PANK4: variants seen among roughly 807,000 people sequenced by gnomAD.
PANK4 encodes the protein pantothenate kinase 4 (inactive), also known as 4'-phosphopantetheine phosphatase.
Under a neutral mutation model 87.9 loss-of-function variants are expected in PANK4, and 40 were observed. That is an observed-to-expected ratio of 0.46 (90% CI 0.35 to 0.59). The LOEUF (loss-of-function observed/expected upper bound fraction) is 0.59, where lower values mean the gene tolerates loss of function less well. Among genes scored for constraint, PANK4 ranks in the 20% least tolerant of loss-of-function variants. PANK4 has a pLI of 0.00. For synonymous variants in PANK4, 524 were observed against 467.4 expected, an observed-to-expected ratio of 1.12 and a Z score of -1.56; for missense variants, 926 against 1,072.3, an observed-to-expected ratio of 0.86 and a Z score of 1.90.
At position 2,510,967 on chromosome 1, in the gene PANK4, G is replaced by A. The variant is rs548884514; in HGVS notation, c.1834-185C>T. ...GGGGCTTCAGGGCCCCAGAGGTGCC[G>A]GGACTGGGCTGGGCTGCAGGGGCTG... On this transcript the variant is annotated intron_variant, in intron 15 of 18. Transcript: ENST00000378466. The surrounding 1 kb of genome is among the most constrained non-coding windows in gnomAD (Gnocchi z 4.9). 3.3e-5 allele frequency among the ~76,000 whole-genome samples: 5 copies of A among 151,924 alleles called. No individual in the cohort carries two copies. Among genetic ancestry groups the A allele is most frequent in the Non-Finnish European group, 7.4e-5 (5 of 67,946 alleles).
rs1426525603 is a variant in PANK4 at position 2,510,057 on chromosome 1, T to C, written c.2039A>G (p.His680Arg). Residue 680 changes from histidine (H) to arginine (R), a missense_variant and splice_region_variant, in exon 17 of 19, where the codon CAC becomes CGC. Coordinates refer to ENST00000378466, the MANE Select transcript of PANK4 (RefSeq NM_018216.4). The surrounding 1 kb of genome is among the most constrained non-coding windows in gnomAD (Gnocchi z 4.9). ...CCCAGCACTGCCCGCCAACACTCACTGCACGACAGGGTCCATGCCCGCAAT... is the reference window on the plus strand; with the variant it reads ...CCCAGCACTGCCCGCCAACACTCACCGCACGACAGGGTCCATGCCCGCAAT... Reference protein sequence around the residue: ...ERIAGMDPVVHSALQEERLLL... With the variant: ...ERIAGMDPVVRSALQEERLLL... 1 of 1,606,980 alleles carries C rather than the reference T, an allele frequency of 6.2e-7. No homozygotes were observed. Among genetic ancestry groups the C allele is most frequent in the East Asian group, 2.2e-5 (1 of 44,582 alleles).
intron 14 of PANK4, 99 bp from the exon 15 acceptor site, chr1:2,511,486 C>T: frequency 2.6e-6 from 3 of 1,137,572 alleles, no homozygotes; most frequent in Non-Finnish European, 4.0e-6. Context: ...AGCAAGTTCT[C>T]CCCGCCCCCG....
intron 9 of PANK4, among the ~76,000 whole-genome samples, chr1:2,517,846 T>G (rs1229611570): frequency 6.6e-6 from 1 of 152,234 alleles, no homozygotes; most frequent in Admixed American, 6.5e-5. Flanking sequence ...GGACGGGCCT[T>G]CTGGCGTGGG....
intron 11 of PANK4, 44 bp downstream of exon 11, chr1:2,514,310 C>G (rs1173953704): frequency 1.4e-6 from 2 of 1,447,276 alleles, no homozygotes; most frequent in South Asian, 2.3e-5. Flanking sequence ...CAGGGGCCCT[C>G]TGGATGGAAG....
At chr1:2,512,340 A>G (rs1643675462) in intron 13 of PANK4, 1 of 153,722 alleles carries the variant, frequency 6.5e-6, no homozygotes, top group African/African-American at 2.4e-5. Context: ...ACATGAAAAA[A>G]AGCAGGGACC....
intron 1 of PANK4, 52 bp downstream of exon 1, chr1:2,526,412 C>T: frequency 2.0e-6 from 2 of 1,019,932 alleles, no homozygotes; most frequent in South Asian, 8.3e-5. Context: ...GGCCCACCGC[C>T]GGCGCCCCGC....
intron 12 of PANK4, among the ~76,000 whole-genome samples, chr1:2,513,375 CGT>C (rs766635793): frequency 3.2e-4 from 48 of 152,354 alleles, no homozygotes; most frequent in Non-Finnish European, 5.1e-4. Flanking sequence ...CAAGGCTCGG[CGT>C]GTGAGGGGAG....
chr1:2,522,078 A>C (rs1643880012), intron 1 of PANK4: 1 of 511,500 alleles, frequency 2.0e-6, no homozygotes, highest in Non-Finnish European at 3.5e-6. Flanking sequence ...AGTCCTGCAG[A>C]GGAAAGGGAG....
At chr1:2,511,846 G>C (rs906399349) in intron 13 of PANK4, among the ~76,000 whole-genome samples, 163 bp from the exon 14 acceptor site, 2 of 151,716 alleles carry the variant, frequency 1.3e-5, no homozygotes, top group African/African-American at 4.9e-5. Context: ...GCTGCTCAAC[G>C]TGAAGACCCC....
At position 2,516,000 on chromosome 1, in the gene PANK4, C is replaced by T; in HGVS notation, c.1219-283G>A. Reference sequence around the variant, plus strand: ...CGCTGCAGCCACACCTCCCCAATCACCGCTGCAGTCACCCTCCCATCACCC... The same window carrying T: ...CGCTGCAGCCACACCTCCCCAATCATCGCTGCAGTCACCCTCCCATCACCC... On this transcript the variant is annotated intron_variant, in intron 9 of 18. Coordinates refer to ENST00000378466, the MANE Select transcript of PANK4 (RefSeq NM_018216.4). This position sits in a 1 kb window ranked among gnomAD's most constrained non-coding sequence, Gnocchi z 5.0. The T allele has an allele frequency of 1.9e-6, 1 of 523,550 alleles. No homozygotes were observed. Among genetic ancestry groups the T allele is most frequent in the Non-Finnish European group, 3.4e-6 (1 of 290,070 alleles). 32.4% of individuals were successfully genotyped at this position (523,550 alleles called of 1,614,324 possible).
chr1:2,521,688 C>T (rs1643876796), intron 2 of PANK4, 30 bp downstream of exon 2: 1 of 1,576,356 alleles, frequency 6.3e-7, no homozygotes, highest in Non-Finnish European at 8.7e-7. Context: ...AGCGGCTGCC[C>T]TGCCCCGGGT....
intron 1 of PANK4, among the ~76,000 whole-genome samples, chr1:2,523,701 A>G (rs1370789376): frequency 3.9e-5 from 6 of 152,074 alleles, no homozygotes. Context: ...ACCCGGGGGG[A>G]CAAAACGGGA....
In PANK4 at chr1:2,518,547, G is replaced by A. The variant is rs752175375; in HGVS notation, c.1086C>T (p.Ile362=). ...FLRHEGYLGA[I]GAFLKGAEQD... ...GCTCAGCTCCTTTCAGGAACGCTCC[G>A]ATGGCTCCCAGGTAGCCTTCGTGCC... The change falls in exon 8 of 19, where the codon ATC becomes ATT. Residue 362 remains isoleucine, a synonymous_variant. Transcript: ENST00000378466. 78 of 1,573,550 alleles carry A rather than the reference G, an allele frequency of 5.0e-5. No individual in the cohort carries two copies. Among genetic ancestry groups the A allele is most frequent in the Non-Finnish European group, 5.5e-5 (64 of 1,159,422 alleles).
rs1319868887 is a variant in PANK4, at chr1:2,510,842, C to T, written c.1834-60G>A. On this transcript the variant is annotated intron_variant, in intron 15 of 18. Transcript: ENST00000378466. The surrounding 1 kb of genome is among the most constrained non-coding windows in gnomAD (Gnocchi z 4.9). Reference sequence around the variant, plus strand: ...AGGCGCATCCAAGCGAGTCAGTCCGCACCCCTGCTGCCCGTCACGCTGCCC... The same window carrying T: ...AGGCGCATCCAAGCGAGTCAGTCCGTACCCCTGCTGCCCGTCACGCTGCCC... The T allele has an allele frequency of 1.0e-6, 1 of 982,560 alleles. No individual in the cohort carries two copies. The highest frequency in any genetic ancestry group is 1.6e-5 in the African/African-American group (1 of 62,766). The allele number at this position is 982,560 out of a possible 1,614,324, so 60.9% of individuals were successfully genotyped here.
In PANK4 at chr1:2,526,570, C is replaced by G. The variant is rs576655896; in HGVS notation, c.18G>C (p.Ala6=). Residue 6 remains alanine (A), a synonymous_variant, in exon 1 of 19, where the codon GCG becomes GCC. Coordinates refer to ENST00000378466, the MANE Select transcript of PANK4 (RefSeq NM_018216.4). MAECG[A]SGSGSSGDSL... ...TGTCCCCGCTGCTCCCGCTGCCGCT[C>G]GCTCCACACTCCGCCATTTTGAAAG... 1.1e-4 allele frequency: 182 copies of G among 1,601,536 alleles called. 1 individual carries two copies. The East Asian group carries it at 4.1e-3, about 36-fold the overall frequency.
chr1:2,515,306 T>C lies in PANK4; in HGVS notation c.1374+256A>G, dbSNP rs1245289614. ...TAAATTGCTTTTTGAAGGAATGTGC[T>C]AGCTAGCAGAACTATCAGCTGCCCT... is the stretch of plus-strand genomic sequence containing the variant. On this transcript the variant is annotated intron_variant, in intron 10 of 18. Transcript: ENST00000378466. The surrounding 1 kb of genome is among the most constrained non-coding windows in gnomAD (Gnocchi z 5.0). The C allele has an allele frequency of 5.9e-6, 4 of 683,182 alleles. No individual in the cohort carries two copies. Among genetic ancestry groups the C allele is most frequent in the African/African-American group, 5.3e-5 (3 of 56,968 alleles). 42.3% of individuals were successfully genotyped at this position (683,182 alleles called of 1,614,324 possible). A position where few individuals can be genotyped will look rare whatever the true frequency, so the allele number is the denominator to read the frequency against.
chr1:2,518,691 C>T (rs771535914), intron 7 of PANK4, 94 bp from the exon 8 acceptor site: 84 of 1,066,184 alleles, frequency 7.9e-5, no homozygotes, highest in Non-Finnish European at 9.6e-5. Flanking sequence ...TCGCACCGCG[C>T]GGCCCAAACC....
In PANK4 at chr1:2,508,780, T is replaced by G; in HGVS notation, c.*67A>C. The G allele has an allele frequency of 1.0e-6, 1 of 957,396 alleles. No homozygotes were observed. The highest frequency in any genetic ancestry group is 1.6e-6 in the Non-Finnish European group (1 of 610,332). 59.3% of individuals were successfully genotyped at this position (957,396 alleles called of 1,614,324 possible). A position where few individuals can be genotyped will look rare whatever the true frequency, so the allele number is the denominator to read the frequency against. On this transcript the variant is annotated 3_prime_UTR_variant, in exon 19 of 19. Coordinates refer to ENST00000378466, the MANE Select transcript of PANK4 (RefSeq NM_018216.4). This position sits in a 1 kb window ranked among gnomAD's most constrained non-coding sequence, Gnocchi z 5.1. ...ATAAATACGTTGATTTGAACGCAGT[T>G]TCCCTGTGGTGGTAAAAACACATTC...
Position 2,508,762 on chromosome 1 carries a change from C to A in PANK4, c.*85G>T. On this transcript the variant is annotated 3_prime_UTR_variant, in exon 19 of 19. Coordinates refer to ENST00000378466, the MANE Select transcript of PANK4 (RefSeq NM_018216.4). The surrounding 1 kb of genome is among the most constrained non-coding windows in gnomAD (Gnocchi z 5.1). The stretch of plus-strand genomic sequence containing the variant: ...GCGTCACAGCAGTACCATATAAATA[C>A]GTTGATTTGAACGCAGTTTCCCTGT... The A allele has an allele frequency of 1.2e-6, 1 of 810,402 alleles. No homozygotes were observed. Among genetic ancestry groups the A allele is most frequent in the South Asian group, 1.6e-5 (1 of 63,146 alleles). The allele number at this position is 810,402 out of a possible 1,614,324, so 50.2% of individuals were successfully genotyped here. A position where few individuals can be genotyped will look rare whatever the true frequency, so the allele number is the denominator to read the frequency against.
Sources: gnomAD v4.1 joint callset for allele counts (sites outside exome capture counted in the v4.1 genomes callset) on GRCh38, gnomAD v4.1.1 for gene constraint, Gnocchi (gnomAD v3.1) non-coding constraint, MANE v1.5 for transcripts, NCBI Gene and HGNC (gene_info 2026-07-23, HGNC 2026-07-21) for gene names.